NRG3: variants seen among roughly 807,000 people sequenced by gnomAD.
NRG3 encodes pro-neuregulin-3, membrane-bound isoform.
Under a neutral mutation model 66.9 loss-of-function variants are expected in NRG3, and 31 were observed. The observed-to-expected ratio is 0.46, with a 90% CI of 0.35 to 0.63. The LOEUF is 0.63. Ranked by LOEUF, NRG3 falls within the 20% of genes least tolerant of loss-of-function variation. The pLI, the probability that NRG3 is intolerant of heterozygous loss-of-function variation, is 0.00. For synonymous variants in NRG3, 393 were observed against 359.4 expected, an observed-to-expected ratio of 1.09 and a Z score of -1.06; for missense variants, 910 against 878.9, an observed-to-expected ratio of 1.04 and a Z score of -0.45.
At chr10:82,466,735 G>A (rs184566745) in intron 2 of NRG3, among the ~76,000 whole-genome samples, 4 of 152,164 alleles carry the variant, frequency 2.6e-5, no homozygotes, top group South Asian at 4.2e-4. Context: ...ATGTGCTGCT[G>A]AGAATAGGGT....
At chr10:82,958,821 T>C (rs1475100647) in intron 5 of NRG3, 128 bp from the exon 6 acceptor site, 1 of 1,105,342 alleles carries the variant, frequency 9.0e-7, no homozygotes, top group Non-Finnish European at 1.3e-6. Context: ...AGAAGGGTTC[T>C]CTTCGTTAGC....
intron 1 of NRG3, among the ~76,000 whole-genome samples, chr10:81,923,491 C>A (rs1409342871): frequency 6.6e-6 from 1 of 152,214 alleles, no homozygotes; most frequent in Admixed American, 6.5e-5. Flanking sequence ...AGGCGTGAGC[C>A]ACCGCGCCCG....
chr10:82,125,615 A>G (rs1564586199), intron 1 of NRG3, among the ~76,000 whole-genome samples: 1 of 152,034 alleles, frequency 6.6e-6, no homozygotes, highest in Non-Finnish European at 1.5e-5. Context: ...GTATATTTTT[A>G]GTCTTGACTT....
intron 3 of NRG3, among the ~76,000 whole-genome samples, chr10:82,805,827 A>G (rs2061255492): frequency 6.6e-6 from 1 of 152,218 alleles, no homozygotes; most frequent in East Asian, 1.9e-4. Context: ...TATCTTTCAG[A>G]TTAAATATTC....
At chr10:82,339,727 A>G (rs865979339) in intron 1 of NRG3, among the ~76,000 whole-genome samples, 3 of 152,040 alleles carry the variant, frequency 2.0e-5, no homozygotes. Flanking sequence ...GACTTTTAAT[A>G]TATTTCTGGA....
chr10:82,720,050 C>CT (rs2057201908), intron 2 of NRG3, among the ~76,000 whole-genome samples: 1 of 152,118 alleles, frequency 6.6e-6, no homozygotes, highest in Admixed American at 6.5e-5. Flanking sequence ...TTACTTTAAC[C>CT]TTTATCTGTA....
intron 6 of NRG3, among the ~76,000 whole-genome samples, chr10:82,961,162 A>C (rs2132462936): frequency 6.6e-6 from 1 of 152,376 alleles, no homozygotes; most frequent in Non-Finnish European, 1.5e-5. Flanking sequence ...TCCATTTGCT[A>C]GAGAACTTAA....
rs147944742 is a variant in NRG3, at chr10:82,093,652, A to G, written c.823+217489A>G. On this transcript the variant is annotated intron_variant, in intron 1 of 8. Transcript: ENST00000372141. ...TCTTGTATCAAATAATGCATGTGTT[A>G]GAATCCATAAAACATGAATTTCTAA... Among the ~76,000 whole-genome samples the G allele has an allele frequency of 6.4e-3, 981 of 152,308 alleles. 5 individuals carry two copies. The highest frequency in any genetic ancestry group is 0.022 in the South Asian group (107 of 4,832).
intron 3 of NRG3, among the ~76,000 whole-genome samples, chr10:82,776,149 T>C (rs757598792): frequency 2.6e-5 from 4 of 152,220 alleles, no homozygotes; most frequent in Non-Finnish European, 4.4e-5. Flanking sequence ...TTTGCATATC[T>C]GAAATAATTT....
chr10:82,168,210 C>A (rs2072257307), intron 1 of NRG3, among the ~76,000 whole-genome samples: 1 of 152,040 alleles, frequency 6.6e-6, no homozygotes, highest in Non-Finnish European at 1.5e-5. Context: ...TAGGATCGTT[C>A]CCCTAAATGT....
intron 4 of NRG3, among the ~76,000 whole-genome samples, chr10:82,948,902 C>G (rs1849266446): frequency 6.6e-6 from 1 of 152,006 alleles, no homozygotes; most frequent in Admixed American, 6.6e-5. Flanking sequence ...GATTTTTATT[C>G]CTATTTTTTC....
At chr10:81,999,093 G>A (rs1001657604) in intron 1 of NRG3, among the ~76,000 whole-genome samples, 1 of 152,196 alleles carries the variant, frequency 6.6e-6, no homozygotes, top group African/African-American at 2.4e-5. Flanking sequence ...GTGAGCCACG[G>A]TGCCTGGGCG....
chr10:82,561,811 A>G lies in NRG3; in HGVS notation c.954-176766A>G, dbSNP rs573222235. Among the ~76,000 whole-genome samples the G allele has an allele frequency of 1.6e-4, 24 of 152,276 alleles. No individual in the cohort carries two copies. In the South Asian group the frequency reaches 4.4e-3, roughly 28 times the overall value. Reference sequence around the variant, plus strand: ...CATGTGTAAAATAACCTTAACTGTAATATCTAGAGAAATTGAGAGGAAAAG... The same window carrying G: ...CATGTGTAAAATAACCTTAACTGTAGTATCTAGAGAAATTGAGAGGAAAAG... On this transcript the variant is annotated intron_variant, in intron 2 of 8. Coordinates refer to ENST00000372141, the MANE Select transcript of NRG3 (RefSeq NM_001010848.4).
At chr10:82,710,374 T>C (rs1035770241) in intron 2 of NRG3, among the ~76,000 whole-genome samples, 1 of 152,002 alleles carries the variant, frequency 6.6e-6, no homozygotes. Context: ...TCCTCTCAGG[T>C]CGGGAGTTCG....
At chr10:81,938,553 C>T (rs1230289176) in intron 1 of NRG3, among the ~76,000 whole-genome samples, 1 of 151,288 alleles carries the variant, frequency 6.6e-6, no homozygotes, top group Non-Finnish European at 1.5e-5. Flanking sequence ...TGTAGAAACA[C>T]AGACAATTTT....
chr10:82,724,823 AT>A (rs1166128518), intron 2 of NRG3, among the ~76,000 whole-genome samples: 4 of 152,136 alleles, frequency 2.6e-5, no homozygotes, highest in Non-Finnish European at 5.9e-5. Context: ...CTCCTTTATA[AT>A]GTCAATCATA....
chr10:82,278,353 T>G (rs1745187585), intron 1 of NRG3, among the ~76,000 whole-genome samples: 1 of 152,056 alleles, frequency 6.6e-6, no homozygotes, highest in African/African-American at 2.4e-5. Flanking sequence ...ATTCTTTGCT[T>G]CTTTAGTGAG....
intron 1 of NRG3, among the ~76,000 whole-genome samples, chr10:81,884,117 T>C (rs1049171491): frequency 2.0e-5 from 3 of 152,214 alleles, no homozygotes; most frequent in African/African-American, 7.2e-5. Context: ...AGAAATTGTT[T>C]GGATAATCAA....
At chr10:82,648,155 T>C (rs1220255008) in intron 2 of NRG3, among the ~76,000 whole-genome samples, 1 of 152,136 alleles carries the variant, frequency 6.6e-6, no homozygotes, top group Non-Finnish European at 1.5e-5. Context: ...GTTTAAGTCT[T>C]TAATCCATCT....
Sources: allele counts gnomAD v4.1 joint callset (sites outside exome capture counted in the v4.1 genomes callset), GRCh38; gene constraint gnomAD v4.1.1; transcripts MANE v1.5; gene names NCBI Gene and HGNC (gene_info 2026-07-23, HGNC 2026-07-21).